MFAP3L: variants seen among roughly 807,000 people sequenced by gnomAD.
MFAP3L encodes the protein microfibril associated protein 3 like, also known as microfibrillar-associated protein 3-like.
Under a neutral mutation model 20.0 loss-of-function variants are expected in MFAP3L, and 5 were observed. The observed-to-expected ratio is 0.25, with a 90% CI of 0.13 to 0.53. MFAP3L has a LOEUF of 0.53. Ranked by LOEUF, MFAP3L falls within the 20% of genes least tolerant of loss-of-function variation. MFAP3L has a pLI of 0.96. For synonymous variants in MFAP3L, 219 were observed against 213.0 expected (o/e 1.03, Z -0.25); for missense variants, 409 against 527.5 (o/e 0.78, Z 2.20).
At chr4:170,004,392 C>G (rs904530377) in intron 2 of MFAP3L, among the ~76,000 whole-genome samples, 2 of 152,002 alleles carry the variant, frequency 1.3e-5, no homozygotes, top group Admixed American at 6.6e-5. Flanking sequence ...AGGTTAAACG[C>G]GATTCATAAT....
At chr4:170,019,609 G>A (rs1739905080) in intron 1 of MFAP3L, among the ~76,000 whole-genome samples, 1 of 152,194 alleles carries the variant, frequency 6.6e-6, no homozygotes, top group African/African-American at 2.4e-5. Context: ...AAGAGGTACT[G>A]CTTTCGTAAA....
Position 169,991,366 on chromosome 4 carries a change from T to C in MFAP3L, c.*12A>G, listed in dbSNP as rs1737649825. 1 of 1,606,814 alleles carries C rather than the reference T, an allele frequency of 6.2e-7. No homozygotes were observed. The highest frequency in any genetic ancestry group is 2.2e-5 in the East Asian group (1 of 44,758). ...TGATTTTCTTGATATGCATAGCTTT[T>C]CGGGGTTGGTATTAGACATGGCTTT... On this transcript the variant is annotated 3_prime_UTR_variant, in exon 3 of 3. Transcript: ENST00000361618. This position sits in a 1 kb window ranked among gnomAD's most constrained non-coding sequence, Gnocchi z 4.9.
chr4:170,024,961 A>T (rs1740259040), intron 1 of MFAP3L, among the ~76,000 whole-genome samples: 1 of 152,260 alleles, frequency 6.6e-6, no homozygotes, highest in African/African-American at 2.4e-5. Context: ...GAATAAAACA[A>T]CTGAACCCAC....
intron 1 of MFAP3L, chr4:170,006,901 C>T (rs1739072638): frequency 6.6e-6 from 1 of 152,220 alleles, no homozygotes; most frequent in Admixed American, 6.5e-5. Flanking sequence ...TTACGGGCTC[C>T]AGGTCACTCA....
chr4:170,003,760 TCAGCCCTGCAGA>T, intron 2 of MFAP3L: 1 of 985,444 alleles, frequency 1.0e-6, no homozygotes, highest in South Asian at 4.7e-5. Context: ...TAGCGATAGC[TCAGCCCTGCAGA>T]AAGACCTGCT....
In MFAP3L at chr4:170,006,028, A is replaced by G; in HGVS notation, c.-133-18T>C. ...GCAAGAACCTGTTTTTAAGAAAACA[A>G]AAATATATACACATAAACATTAGCA... On this transcript the variant is annotated intron_variant, in intron 1 of 2. Coordinates refer to ENST00000361618, the MANE Select transcript of MFAP3L (RefSeq NM_021647.8). The G allele has an allele frequency of 7.0e-7, 1 of 1,422,752 alleles. No homozygotes were observed. The allele number at this position is 1,422,752 out of a possible 1,614,324, so 88.1% of individuals were successfully genotyped here. A position where few individuals can be genotyped will look rare whatever the true frequency, so the allele number is the denominator to read the frequency against.
intron 1 of MFAP3L, among the ~76,000 whole-genome samples, chr4:170,015,033 G>A (rs958404200): frequency 4.6e-5 from 7 of 152,190 alleles, no homozygotes; most frequent in Non-Finnish European, 5.9e-5. Context: ...TCCTGCAGCC[G>A]TGGAGCTGAG....
At chr4:169,997,659 C>T (rs963132146) in intron 2 of MFAP3L, 91 of 954,110 alleles carry the variant, frequency 9.5e-5, no homozygotes, top group Middle Eastern at 5.4e-4. Context: ...TCGCTAGTGA[C>T]ATTGTTGGCA....
In MFAP3L at chr4:169,991,279, G is replaced by C. The variant is rs1737641684; in HGVS notation, c.*99C>G. 4 of 1,265,792 alleles carry C rather than the reference G, an allele frequency of 3.2e-6. No homozygotes were observed. Among genetic ancestry groups the C allele is most frequent in the African/African-American group, 1.5e-5 (1 of 66,802 alleles). The allele number at this position is 1,265,792 out of a possible 1,614,324, so 78.4% of individuals were successfully genotyped here. On this transcript the variant is annotated 3_prime_UTR_variant, in exon 3 of 3. Coordinates refer to ENST00000361618, the MANE Select transcript of MFAP3L (RefSeq NM_021647.8). The surrounding 1 kb of genome is among the most constrained non-coding windows in gnomAD (Gnocchi z 4.9). ...GGCATCACTCCTACCTAAGGGATGAGAGTCTCCTGGTAAGGCTTAGCGGCA... is the reference window on the plus strand; with the variant it reads ...GGCATCACTCCTACCTAAGGGATGACAGTCTCCTGGTAAGGCTTAGCGGCA...
chr4:170,011,406 T>G (rs1332099238), intron 1 of MFAP3L, among the ~76,000 whole-genome samples: 1 of 150,652 alleles, frequency 6.6e-6, no homozygotes, highest in Non-Finnish European at 1.5e-5. Flanking sequence ...ATACTGCCCT[T>G]TCTTGCCCTT....
intron 2 of MFAP3L, chr4:170,003,742 G>C: frequency 2.0e-6 from 2 of 985,382 alleles, no homozygotes; most frequent in Non-Finnish European, 2.4e-6. Flanking sequence ...CAGTCACCGT[G>C]GGTTCCCTAG....
chr4:170,014,221 A>G (rs1739559285), intron 1 of MFAP3L, among the ~76,000 whole-genome samples: 1 of 152,198 alleles, frequency 6.6e-6, no homozygotes, highest in African/African-American at 2.4e-5. Flanking sequence ...CATTTGGAGT[A>G]TGCATGTAGA....
chr4:170,025,330 G>C (rs148466687), intron 1 of MFAP3L, among the ~76,000 whole-genome samples: 1 of 152,300 alleles, frequency 6.6e-6, no homozygotes, highest in African/African-American at 2.4e-5. Context: ...AAAAAACACT[G>C]AGCTTCTGCA....
At chr4:170,026,927 C>G (rs1361548703), upstream of MFAP3L, 1 of 152,230 alleles carries the variant, frequency 6.6e-6, no homozygotes, top group African/African-American at 2.4e-5. Flanking sequence ...CTCAGGCCTT[C>G]CCGGGCGACT....
Position 169,991,771 on chromosome 4 carries a change from C to T in MFAP3L, c.837G>A (p.Glu279=). The stretch of plus-strand genomic sequence containing the variant: ...TGTAGACCTCATCCCTGTCTGCGGC[C>T]TCCTGGCCCTCTGGAGTATGCCTCA... The part of the protein sequence containing the change: ...NFVRHTPEGQ[E]AADRDEVYTI... Residue 279 remains glutamate (E), a synonymous_variant, in exon 3 of 3, where the codon GAG becomes GAA. Transcript: ENST00000361618. The surrounding 1 kb of genome is among the most constrained non-coding windows in gnomAD (Gnocchi z 4.9). 1 of 1,614,008 alleles carries T rather than the reference C, an allele frequency of 6.2e-7. No homozygotes were observed. Among genetic ancestry groups the T allele is most frequent in the Non-Finnish European group, 8.5e-7 (1 of 1,179,992 alleles).
rs373193016 is a variant in MFAP3L at position 169,992,375 on chromosome 4, G to A, written c.299-66C>T. 2.4e-5 allele frequency: 32 copies of A among 1,338,180 alleles called. No homozygotes were observed. The highest frequency in any genetic ancestry group is 1.5e-4 in the African/African-American group (10 of 68,098). 82.9% of individuals were successfully genotyped at this position (1,338,180 alleles called of 1,614,324 possible). ...AGCTCCCATGACTACAAACTGATAC[G>A]TTTCTAAGAACATCTATGAACATCT... On this transcript the variant is annotated intron_variant, in intron 2 of 2. Coordinates refer to ENST00000361618, the MANE Select transcript of MFAP3L (RefSeq NM_021647.8). The surrounding 1 kb of genome is among the most constrained non-coding windows in gnomAD (Gnocchi z 4.3).
At chr4:170,023,897 G>C (rs150229627) in intron 1 of MFAP3L, among the ~76,000 whole-genome samples, 9 of 152,298 alleles carry the variant, frequency 5.9e-5, no homozygotes, top group Admixed American at 6.5e-5. Flanking sequence ...ATAGGAATTG[G>C]ATAAATTAAG....
chr4:170,011,183 G>C (rs187627886), intron 1 of MFAP3L, among the ~76,000 whole-genome samples: 1 of 152,220 alleles, frequency 6.6e-6, no homozygotes, highest in East Asian at 1.9e-4. Flanking sequence ...GAATCAATTA[G>C]ACTTCTTTGC....
intron 1 of MFAP3L, among the ~76,000 whole-genome samples, chr4:170,009,811 A>G (rs1046449499): frequency 6.6e-6 from 1 of 152,204 alleles, no homozygotes; most frequent in African/African-American, 2.4e-5. Flanking sequence ...CCTATAATCA[A>G]TAAGACTGTT....
Sources: gnomAD v4.1 joint callset for allele counts (sites outside exome capture counted in the v4.1 genomes callset) on GRCh38, gnomAD v4.1.1 for gene constraint, Gnocchi (gnomAD v3.1) non-coding constraint, MANE v1.5 for transcripts, NCBI Gene and HGNC (gene_info 2026-07-23, HGNC 2026-07-21) for gene names.